The following DSCAM variants were observed in gnomAD, a reference collection of about 807,000 sequenced individuals.
DSCAM encodes the protein DS cell adhesion molecule.
DSCAM carries 47 observed loss-of-function variants against 217.7 expected under a neutral mutation model. The ratio of observed to expected loss-of-function variants is 0.22; its 90% CI spans 0.17 to 0.28. The LOEUF (loss-of-function observed/expected upper bound fraction) is 0.28. Ranked by LOEUF, DSCAM falls within the 10% of genes least tolerant of loss-of-function variation. The probability of loss-of-function intolerance (pLI) is 1.00; values close to 1 mark genes in which losing one functional copy is unlikely to be tolerated. For synonymous variants in DSCAM, 1,056 were observed against 1,015.3 expected, an observed-to-expected ratio of 1.04 and a Z score of -0.76; for missense variants, 2,080 against 2,618.3, an observed-to-expected ratio of 0.79 and a Z score of 4.49.
Position 40,532,797 on chromosome 21 carries a change from A to G in DSCAM, c.508+160013T>C, listed in dbSNP as rs547791718. ...TGGAGAAGAGAGAACTTGGGGTTAG[A>G]GAAACCTGCAAATGGAATGGCCCTG... On this transcript the variant is annotated intron_variant, in intron 3 of 32. Transcript: ENST00000400454. Among the ~76,000 whole-genome samples, 14 of 152,242 alleles carry G rather than the reference A, an allele frequency of 9.2e-5. No homozygotes were observed. The East Asian group carries it at 2.7e-3, about 29-fold the overall frequency.
At chr21:40,050,524 C>T (rs2088913372) in intron 30 of DSCAM, among the ~76,000 whole-genome samples, 1 of 151,348 alleles carries the variant, frequency 6.6e-6, no homozygotes, top group Non-Finnish European at 1.5e-5. Context: ...GCTCTGTCGT[C>T]CAGGCTGGAG....
At chr21:40,015,417 CT>C (rs5843993) in intron 32 of DSCAM, among the ~76,000 whole-genome samples, 29,993 of 145,404 alleles carry the variant, frequency 0.21, 4,032 homozygotes, top group African/African-American at 0.41. Context: ...TCTCTTGACT[CT>C]TTTTTTTTTT....
At chr21:40,313,120 T>TAAAAAAAAA (rs531764117) in intron 8 of DSCAM, among the ~76,000 whole-genome samples, 1 of 135,188 alleles carries the variant, frequency 7.4e-6, no homozygotes. Flanking sequence ...TCTAAAAAAC[T>TAAAAAAAAA]AAAAAAAAAA....
intron 9 of DSCAM, among the ~76,000 whole-genome samples, chr21:40,307,391 T>C: frequency 6.6e-6 from 1 of 152,148 alleles, no homozygotes; most frequent in Non-Finnish European, 1.5e-5. Flanking sequence ...AGATACCATC[T>C]CACACCAGTT....
At chr21:40,361,158 T>C (rs2074759871) in intron 4 of DSCAM, among the ~76,000 whole-genome samples, 1 of 151,464 alleles carries the variant, frequency 6.6e-6, no homozygotes. Flanking sequence ...ACAAAAATTA[T>C]TTTTACCCCA....
chr21:40,429,290 G>C (rs1296546512), intron 3 of DSCAM, among the ~76,000 whole-genome samples: 1 of 150,716 alleles, frequency 6.6e-6, no homozygotes, highest in East Asian at 1.9e-4. Flanking sequence ...TTTGGAGACA[G>C]AGTTTCACTC....
intron 2 of DSCAM, among the ~76,000 whole-genome samples, chr21:40,701,848 A>G (rs955640331): frequency 6.6e-6 from 1 of 152,118 alleles, no homozygotes; most frequent in Non-Finnish European, 1.5e-5. Context: ...TGCTCTGAGT[A>G]TGGTCTATAT....
intron 18 of DSCAM, among the ~76,000 whole-genome samples, chr21:40,139,609 T>C (rs915581311): frequency 6.6e-6 from 1 of 151,922 alleles, no homozygotes; most frequent in African/African-American, 2.4e-5. Flanking sequence ...TCCTTAGTGA[T>C]TTTGGGGGCC....
chr21:40,071,030 A>G (rs1160346474), intron 27 of DSCAM, among the ~76,000 whole-genome samples: 1 of 152,222 alleles, frequency 6.6e-6, no homozygotes, highest in Non-Finnish European at 1.5e-5. Flanking sequence ...GTTGACCCAC[A>G]CTAACTGGTG....
intron 3 of DSCAM, among the ~76,000 whole-genome samples, chr21:40,500,859 G>A (rs769644988): frequency 4.6e-5 from 7 of 152,204 alleles, no homozygotes; most frequent in Non-Finnish European, 8.8e-5. Flanking sequence ...GGAAGCCCAT[G>A]ACCTGGGAGC....
At chr21:40,808,565 C>T (rs1265300366) in intron 1 of DSCAM, among the ~76,000 whole-genome samples, 2 of 151,672 alleles carry the variant, frequency 1.3e-5, no homozygotes, top group Non-Finnish European at 2.9e-5. Context: ...CCTCAATCTC[C>T]TGGGCTCAAG....
intron 1 of DSCAM, among the ~76,000 whole-genome samples, chr21:40,737,531 C>G (rs1353320005): frequency 1.3e-4 from 20 of 152,170 alleles, no homozygotes. Context: ...ATCCCAGCTA[C>G]TCGGGAGGCT....
intron 1 of DSCAM, among the ~76,000 whole-genome samples, chr21:40,769,035 G>A (rs548791039): frequency 4.8e-4 from 73 of 152,304 alleles, no homozygotes; most frequent in African/African-American, 1.6e-3. Flanking sequence ...ACTATCTCTA[G>A]AGGGCAGCTG....
intron 1 of DSCAM, among the ~76,000 whole-genome samples, chr21:40,735,469 A>G (rs1461239082): frequency 6.6e-6 from 1 of 152,228 alleles, no homozygotes; most frequent in Non-Finnish European, 1.5e-5. Flanking sequence ...AAGATCCCAA[A>G]AAAAGGCTGC....
chr21:40,548,517 T>TAC (rs2076603324), intron 3 of DSCAM, among the ~76,000 whole-genome samples: 2 of 150,600 alleles, frequency 1.3e-5, no homozygotes, highest in African/African-American at 4.9e-5. Flanking sequence ...AAAAAAAATA[T>TAC]ATATATGTAC....
intron 16 of DSCAM, among the ~76,000 whole-genome samples, chr21:40,160,802 A>G (rs2090532131): frequency 6.6e-6 from 1 of 152,226 alleles, no homozygotes; most frequent in Non-Finnish European, 1.5e-5. Flanking sequence ...TTATACAAAA[A>G]ATCAAAGTGC....
chr21:40,266,251 G>T (rs535476138), intron 11 of DSCAM, among the ~76,000 whole-genome samples: 2 of 151,916 alleles, frequency 1.3e-5, no homozygotes, highest in Non-Finnish European at 2.9e-5. Context: ...TGAAAAAACT[G>T]CTCAACATCA....
At chr21:40,096,430 C>G (rs187212409) in intron 20 of DSCAM, among the ~76,000 whole-genome samples, 1 of 152,122 alleles carries the variant, frequency 6.6e-6, no homozygotes, top group African/African-American at 2.4e-5. Context: ...AATAAACTGC[C>G]TAAATTGACT....
chr21:40,590,279 T>C (rs1353484706), intron 3 of DSCAM, among the ~76,000 whole-genome samples: 1 of 152,196 alleles, frequency 6.6e-6, no homozygotes, highest in Non-Finnish European at 1.5e-5. Context: ...AAATGCAAGA[T>C]TCGAATATCC....
Sources: allele counts gnomAD v4.1 joint callset (sites outside exome capture counted in the v4.1 genomes callset), GRCh38; gene constraint gnomAD v4.1.1; transcripts MANE v1.5; gene names NCBI Gene and HGNC (gene_info 2026-07-23, HGNC 2026-07-21).